The following CASD1 variants were observed in gnomAD, a reference collection of about 807,000 sequenced individuals.
CASD1 encodes N-acetylneuraminate (7)9-O-acetyltransferase.
A neutral mutation model predicts 100.0 loss-of-function variants in CASD1; 41 were observed. That is an observed-to-expected ratio of 0.41 (90% CI 0.32 to 0.53). The LOEUF (loss-of-function observed/expected upper bound fraction) is 0.53. CASD1 is among the 20% of genes least tolerant of loss of function. CASD1 has a pLI of 0.25. For synonymous variants in CASD1, 321 were observed against 315.6 expected (o/e 1.02, Z -0.18); for missense variants, 774 against 948.7 (o/e 0.82, Z 2.42).
At chr7:94,532,132 A>G (rs1794880407) in intron 5 of CASD1, among the ~76,000 whole-genome samples, 1 of 152,140 alleles carries the variant, frequency 6.6e-6, no homozygotes, top group South Asian at 2.1e-4. Context: ...GTCCCCATTT[A>G]TCCATGGTTA....
downstream of CASD1, among the ~76,000 whole-genome samples, chr7:94,560,659 CAG>C (rs2116459133): frequency 6.6e-6 from 1 of 152,080 alleles, no homozygotes; most frequent in East Asian, 1.9e-4. Flanking sequence ...AGCATAAAAA[CAG>C]ATTTTATCAA....
At chr7:94,588,585 C>A in the CASD1 span, 21 of 1,550,604 alleles carry the variant, frequency 1.4e-5, no homozygotes, top group Non-Finnish European at 1.7e-5. Context: ...AGTGTTTTGC[C>A]TTATTTGGTG....
At chr7:94,518,402 C>A in intron 3 of CASD1, 79 bp downstream of exon 3, 1 of 1,263,778 alleles carries the variant, frequency 7.9e-7, no homozygotes, top group Non-Finnish European at 1.1e-6. Context: ...TGTGTCTCTC[C>A]AGATTGAGTA....
intron 5 of CASD1, among the ~76,000 whole-genome samples, chr7:94,531,391 A>G (rs1199638945): frequency 6.6e-6 from 1 of 152,150 alleles, no homozygotes; most frequent in Non-Finnish European, 1.5e-5. Flanking sequence ...GTAAGAATGA[A>G]GGAAGGAAGG....
the CASD1 span, among the ~76,000 whole-genome samples, chr7:94,601,443 CAAAAAAAAAAAA>C: frequency 1.2e-4 from 11 of 89,352 alleles, no homozygotes; most frequent in African/African-American, 4.0e-4. Flanking sequence ...ATCCCAGTAT[CAAAAAAAAAAAA>C]AAAAAAAAAA....
At chr7:94,561,796 T>A (rs1796343750), downstream of CASD1, among the ~76,000 whole-genome samples, 1 of 152,148 alleles carries the variant, frequency 6.6e-6, no homozygotes, top group African/African-American at 2.4e-5. Context: ...ATCTATCTTC[T>A]GTGAGTTTGA....
intron 4 of CASD1, among the ~76,000 whole-genome samples, chr7:94,527,747 C>T (rs770186940): frequency 1.3e-5 from 2 of 152,018 alleles, no homozygotes; most frequent in African/African-American, 4.8e-5. Flanking sequence ...GTGCAAAGTC[C>T]TAGAGAAAAA....
the CASD1 span, chr7:94,587,019 G>A: frequency 1.0e-6 from 1 of 982,818 alleles, no homozygotes; most frequent in Non-Finnish European, 1.2e-6. Context: ...GAAGGTAATA[G>A]GCTCTAGTGT....
intron 9 of CASD1, 90 bp from the exon 10 acceptor site, chr7:94,538,877 C>T: frequency 1.7e-6 from 1 of 580,348 alleles, no homozygotes. Context: ...GCTTTATGTC[C>T]TATAAGAAAA....
the CASD1 span, among the ~76,000 whole-genome samples, chr7:94,565,704 G>T: frequency 6.6e-6 from 1 of 152,104 alleles, no homozygotes. Context: ...GCTTAGTAAG[G>T]GCTTCTCGTT....
At chr7:94,534,188 A>T (rs1228234875) in intron 7 of CASD1, among the ~76,000 whole-genome samples, 1 of 116,388 alleles carries the variant, frequency 8.6e-6, no homozygotes, top group Non-Finnish European at 1.7e-5. Flanking sequence ...TTTTTTTGAG[A>T]CAGGGTCTTG....
chr7:94,518,473 C>T, intron 3 of CASD1, 150 bp downstream of exon 3: 1 of 572,974 alleles, frequency 1.7e-6, no homozygotes, highest in South Asian at 3.1e-5. Flanking sequence ...GGATGAATTG[C>T]TTTAATGAGG....
the CASD1 span, among the ~76,000 whole-genome samples, chr7:94,579,418 A>G: frequency 6.6e-6 from 1 of 152,292 alleles, no homozygotes; most frequent in African/African-American, 2.4e-5. Flanking sequence ...ACTGCACCCT[A>G]TTAATTGACT....
intron 4 of CASD1, 88 bp from the exon 5 acceptor site, chr7:94,528,100 C>G: frequency 1.1e-6 from 1 of 906,378 alleles, no homozygotes; most frequent in Non-Finnish European, 1.8e-6. Context: ...CTTTTAAGTA[C>G]TCTGTAAGAG....
At chr7:94,522,230 A>C (rs926955375) in intron 3 of CASD1, among the ~76,000 whole-genome samples, 4 of 152,216 alleles carry the variant, frequency 2.6e-5, no homozygotes, top group African/African-American at 9.6e-5. Flanking sequence ...TAAGAAGGAC[A>C]TGGAAAGGTT....
chr7:94,542,444 CAT>C (rs1394278186), intron 10 of CASD1, among the ~76,000 whole-genome samples: 4 of 152,092 alleles, frequency 2.6e-5, no homozygotes, highest in Non-Finnish European at 5.9e-5. Flanking sequence ...GAAAATATCT[CAT>C]GTTGAAATAT....
chr7:94,537,719 T>C lies in CASD1; in HGVS notation c.1091T>C (p.Leu364Ser). The change falls in exon 9 of 18, where the codon TTA becomes TCA. Residue 364 changes from leucine (L) to serine (S), a missense_variant. Physicochemically the swap from Leu to Ser is moderately radical, Grantham distance 145. Around this residue, in one of 5 missense-constraint regions of CASD1, gnomAD observed 453 missense variants for 532.6 expected, o/e 0.85. Transcript: ENST00000297273. ...ATTATCAATACCCCTGTGTCTTCATTAGAAATACTTTTACAATCTTTCTGC... is the reference window on the plus strand; with the variant it reads ...ATTATCAATACCCCTGTGTCTTCATCAGAAATACTTTTACAATCTTTCTGC... ...KNIINTPVSS[L>S]EILLQSFCKL... 6.2e-7 allele frequency: 1 copy of C among 1,613,818 alleles called. No homozygotes were observed. Among genetic ancestry groups the C allele is most frequent in the Non-Finnish European group, 8.5e-7 (1 of 1,179,852 alleles).
chr7:94,623,221 A>C, the CASD1 span: 1 of 655,874 alleles, frequency 1.5e-6, no homozygotes, highest in Non-Finnish European at 2.7e-6. Flanking sequence ...CAGTTATATT[A>C]GGTATGTGGC....
chr7:94,630,784 T>G, the CASD1 span, among the ~76,000 whole-genome samples: 1 of 151,952 alleles, frequency 6.6e-6, no homozygotes, highest in Non-Finnish European at 1.5e-5. Flanking sequence ...AGGCCAGTTC[T>G]TTCTTTTAAG....
Sources: gnomAD v4.1 joint callset for allele counts (sites outside exome capture counted in the v4.1 genomes callset) on GRCh38, gnomAD v4.1.1 for gene constraint, gnomAD v4.1.1 regional missense constraint, MANE v1.5 for transcripts, NCBI Gene and HGNC (gene_info 2026-07-23, HGNC 2026-07-21) for gene names.